Variants in LRMDA observed in about 807,000 individuals in gnomAD.
The protein encoded by LRMDA is leucine-rich melanocyte differentiation-associated protein.
LRMDA carries 18 observed loss-of-function variants against 29.8 expected under a neutral mutation model. The ratio of observed to expected loss-of-function variants is 0.60; its 90% CI spans 0.42 to 0.90. The LOEUF is 0.90. Among genes scored for constraint, LRMDA ranks in the 40% least tolerant of loss-of-function variants. The pLI is 0.00. For missense variants in LRMDA, 273 were observed against 273.9 expected (o/e 1.00, Z 0.02); for synonymous variants, 125 against 109.4 (o/e 1.14, Z -0.89).
intron 2 of LRMDA, among the ~76,000 whole-genome samples, chr10:75,870,990 C>T (rs1237630483): frequency 6.6e-6 from 1 of 152,198 alleles, no homozygotes; most frequent in Non-Finnish European, 1.5e-5. Flanking sequence ...TCCTCAACTC[C>T]AAATAGTTTA....
chr10:76,016,705 T>C (rs1589290288), intron 2 of LRMDA, among the ~76,000 whole-genome samples: 1 of 152,324 alleles, frequency 6.6e-6, no homozygotes, highest in Middle Eastern at 3.4e-3. Context: ...TTCAGATAAA[T>C]AGTGTGCTGT....
At chr10:75,538,416 A>G (rs1055043837) in intron 2 of LRMDA, among the ~76,000 whole-genome samples, 1 of 152,180 alleles carries the variant, frequency 6.6e-6, no homozygotes, top group Non-Finnish European at 1.5e-5. Context: ...ATAATTAGGA[A>G]AGGTTAAGTG....
At chr10:75,877,457 T>G (rs945718073) in intron 2 of LRMDA, among the ~76,000 whole-genome samples, 19 of 152,226 alleles carry the variant, frequency 1.2e-4, no homozygotes, top group African/African-American at 4.6e-4. Context: ...GGTTGTTTCT[T>G]AGATTGCGTG....
intron 6 of LRMDA, among the ~76,000 whole-genome samples, chr10:76,421,955 G>A (rs1186829190): frequency 1.3e-5 from 2 of 152,132 alleles, no homozygotes; most frequent in African/African-American, 4.8e-5. Flanking sequence ...TGGGAGGAAG[G>A]TCTGGTGGGG....
chr10:76,018,808 C>T (rs2132488566), intron 2 of LRMDA, among the ~76,000 whole-genome samples: 1 of 152,214 alleles, frequency 6.6e-6, no homozygotes, highest in Admixed American at 6.5e-5. Context: ...CCTCGTGATC[C>T]ACCTGTCTTG....
At chr10:76,035,933 A>T in intron 2 of LRMDA, 75 bp from the exon 3 acceptor site, 1 of 1,545,314 alleles carries the variant, frequency 6.5e-7, no homozygotes, top group Non-Finnish European at 8.7e-7. Flanking sequence ...GGAAGGTTAA[A>T]ATATTTATTT....
intron 2 of LRMDA, among the ~76,000 whole-genome samples, chr10:75,526,995 A>G (rs1466504072): frequency 2.0e-5 from 3 of 152,238 alleles, no homozygotes; most frequent in African/African-American, 4.8e-5. Flanking sequence ...TCATGCCTCC[A>G]GAAGGAAACC....
At chr10:76,406,173 C>T (rs1429544592) in intron 6 of LRMDA, among the ~76,000 whole-genome samples, 6 of 152,078 alleles carry the variant, frequency 3.9e-5, no homozygotes, top group Non-Finnish European at 7.4e-5. Context: ...GCCGGCATTC[C>T]GGAAAGGGTG....
chr10:76,308,326 T>C lies in LRMDA; in HGVS notation c.517-16075T>C, dbSNP rs144953512. Among the ~76,000 whole-genome samples, 258 of 152,336 alleles carry C rather than the reference T, an allele frequency of 1.7e-3. 1 individual carries two copies. Among genetic ancestry groups the C allele is most frequent in the African/African-American group, 5.9e-3 (245 of 41,580 alleles). ...AACACTAGTGAGCCATGAGAATTTG[T>C]CATAGCAGCGATCTCACAAGCATAT... On this transcript the variant is annotated intron_variant, in intron 5 of 6. Transcript: ENST00000611255.
At chr10:76,359,917 T>C (rs1420416899) in intron 6 of LRMDA, among the ~76,000 whole-genome samples, 1 of 152,218 alleles carries the variant, frequency 6.6e-6, no homozygotes, top group Non-Finnish European at 1.5e-5. Flanking sequence ...ACCATCATTC[T>C]TGAATTAGTT....
At chr10:75,718,144 GC>G (rs1004753629) in intron 2 of LRMDA, among the ~76,000 whole-genome samples, 1 of 152,090 alleles carries the variant, frequency 6.6e-6, no homozygotes, top group Non-Finnish European at 1.5e-5. Context: ...ATCAATTGTT[GC>G]CACAATGATG....
At chr10:75,751,947 A>G (rs147140409) in intron 2 of LRMDA, among the ~76,000 whole-genome samples, 1 of 152,092 alleles carries the variant, frequency 6.6e-6, no homozygotes, top group East Asian at 1.9e-4. Flanking sequence ...TCTCTTTTCA[A>G]TTCTCTTTCA....
In LRMDA at chr10:76,557,264, G is replaced by A. The variant is rs762497770; in HGVS notation, c.657G>A (p.Arg219=). The A allele has an allele frequency of 1.9e-6, 3 of 1,613,922 alleles. No individual in the cohort carries two copies. Among genetic ancestry groups the A allele is most frequent in the Non-Finnish European group, 2.5e-6 (3 of 1,179,964 alleles). Residue 219 remains arginine (R), a synonymous_variant, in exon 7 of 7, where the codon AGG becomes AGA. Transcript: ENST00000611255. ...ATGGGAAAAACTCAGAGGGCAACAG[G>A]TTTATCCGAGATGACCAGCTCTGAA... The part of the protein sequence containing the change: ...VYYGKNSEGN[R]FIRDDQL
chr10:76,001,896 A>C (rs932080857), intron 2 of LRMDA, among the ~76,000 whole-genome samples: 8 of 152,122 alleles, frequency 5.3e-5, no homozygotes, highest in African/African-American at 9.7e-5. Context: ...GCTTGTTGGA[A>C]AACCTCTTCT....
Position 75,692,220 on chromosome 10 carries a change from ATATATATAT to A in LRMDA, c.131+253727_131+253735del, listed in dbSNP as rs1477317505. Among the ~76,000 whole-genome samples the A allele has an allele frequency of 1.5e-3, 89 of 61,316 alleles. 3 individuals carry two copies. Among genetic ancestry groups the A allele is most frequent in the African/African-American group, 4.2e-3 (82 of 19,718 alleles). 40.2% of individuals were successfully genotyped at this position (61,316 alleles called of 152,430 possible). A position where few individuals can be genotyped will look rare whatever the true frequency, so the allele number is the denominator to read the frequency against. ...TTGTCTCTGGGGGGAAAAAAAAAAAATATATATATATATATATATATATATATACATATA... is the reference window on the plus strand; with the variant it reads ...TTGTCTCTGGGGGGAAAAAAAAAAAAATATATATATATATATATACATATA... On this transcript the variant is annotated intron_variant, in intron 2 of 6. Transcript: ENST00000611255.
Position 76,531,494 on chromosome 10 carries a change from C to T in LRMDA, c.602-25715C>T, listed in dbSNP as rs145709544. 1.7e-3 allele frequency among the ~76,000 whole-genome samples: 265 copies of T among 152,034 alleles called. 1 individual carries two copies. The highest frequency in any genetic ancestry group is 6.0e-3 in the African/African-American group (250 of 41,474). On this transcript the variant is annotated intron_variant, in intron 6 of 6. Transcript: ENST00000611255. ...TTTCCTGTGTTGCTGAGAGTTTTATCGTAAATTTATGAGTGCTGAATTTTG... is the reference window on the plus strand; with the variant it reads ...TTTCCTGTGTTGCTGAGAGTTTTATTGTAAATTTATGAGTGCTGAATTTTG...
intron 6 of LRMDA, among the ~76,000 whole-genome samples, chr10:76,432,320 A>G (rs1469267322): frequency 6.6e-6 from 1 of 152,198 alleles, no homozygotes; most frequent in Admixed American, 6.5e-5. Flanking sequence ...TGACAAAAAG[A>G]GAACATAAAA....
chr10:75,694,832 A>G (rs1424776880), intron 2 of LRMDA, among the ~76,000 whole-genome samples: 1 of 152,172 alleles, frequency 6.6e-6, no homozygotes, highest in Non-Finnish European at 1.5e-5. Context: ...TGGTGTGCCA[A>G]TCGATAGTGA....
chr10:75,545,133 C>T (rs1251201505), intron 2 of LRMDA, among the ~76,000 whole-genome samples: 4 of 151,976 alleles, frequency 2.6e-5, no homozygotes, highest in African/African-American at 9.7e-5. Context: ...GTATGTAGTC[C>T]GGGGAAGCCA....
Sources: allele counts gnomAD v4.1 joint callset (sites outside exome capture counted in the v4.1 genomes callset), GRCh38; gene constraint gnomAD v4.1.1; transcripts MANE v1.5; gene names NCBI Gene and HGNC (gene_info 2026-07-23, HGNC 2026-07-21).